Variants in TNPO1 observed in about 807,000 individuals in gnomAD.
TNPO1 encodes transportin-1.
Under a neutral mutation model 119.5 loss-of-function variants are expected in TNPO1, and 8 were observed. The observed-to-expected ratio is 0.07, with a 90% CI of 0.04 to 0.12. The LOEUF (loss-of-function observed/expected upper bound fraction) is 0.12, where lower values mean the gene tolerates loss of function less well. TNPO1 is among the 10% of genes least tolerant of loss of function. TNPO1 has a pLI of 1.00. For synonymous variants in TNPO1, 362 were observed against 363.0 expected (o/e 1.00, Z 0.03); for missense variants, 576 against 1,089.8 (o/e 0.53, Z 6.64).
rs1162953990 is a variant in TNPO1 at position 72,910,375 on chromosome 5, A to G, written c.*1702A>G. On this transcript the variant is annotated 3_prime_UTR_variant, in exon 25 of 25. Transcript: ENST00000337273. ...TTTCTTATATACTGTGAATGTGAAA[A>G]CCTAACTGGTACACTTGATCTTGTG... 2.0e-5 allele frequency: 3 copies of G among 152,490 alleles called. No individual in the cohort carries two copies. The highest frequency in any genetic ancestry group is 4.4e-5 in the Non-Finnish European group (3 of 68,002). The allele number at this position is 152,490 out of a possible 1,614,324, so 9.4% of individuals were successfully genotyped here.
chr5:72,901,253 A>AT (rs969552782), intron 22 of TNPO1, among the ~76,000 whole-genome samples, 180 bp downstream of exon 22: 8 of 151,426 alleles, frequency 5.3e-5, no homozygotes, highest in South Asian at 2.1e-4. Flanking sequence ...TTTTTCCTAA[A>AT]TTTTTTTTGT....
chr5:72,854,588 A>G (rs1206281530), intron 3 of TNPO1, among the ~76,000 whole-genome samples: 2 of 152,200 alleles, frequency 1.3e-5, no homozygotes, highest in Admixed American at 6.5e-5. Flanking sequence ...TCACTTGTGC[A>G]ATGGGGTGAA....
chr5:72,886,399 T>C (rs1748638316), intron 11 of TNPO1, among the ~76,000 whole-genome samples: 1 of 152,202 alleles, frequency 6.6e-6, no homozygotes, highest in Admixed American at 6.5e-5. Flanking sequence ...GTATGTTTTT[T>C]GCGTGATTGT....
At chr5:72,882,717 A>T (rs561524712) in intron 10 of TNPO1, among the ~76,000 whole-genome samples, 190 bp downstream of exon 10, 1 of 152,326 alleles carries the variant, frequency 6.6e-6, no homozygotes, top group South Asian at 2.1e-4. Context: ...AGATGGTGAC[A>T]TTGGTAGGGT....
At chr5:72,902,474 C>T (rs1344864266) in intron 22 of TNPO1, among the ~76,000 whole-genome samples, 2 of 151,312 alleles carry the variant, frequency 1.3e-5, no homozygotes, top group Non-Finnish European at 1.5e-5. Flanking sequence ...TGAGAGGTTT[C>T]TAGTTACAAA....
At chr5:72,854,296 G>A (rs1308027876) in intron 3 of TNPO1, among the ~76,000 whole-genome samples, 1 of 152,196 alleles carries the variant, frequency 6.6e-6, no homozygotes, top group African/African-American at 2.4e-5. Flanking sequence ...TTTAAATGAT[G>A]ACATACAAGG....
At chr5:72,880,302 G>C (rs966075610) in intron 9 of TNPO1, among the ~76,000 whole-genome samples, 4 of 151,454 alleles carry the variant, frequency 2.6e-5, no homozygotes, top group Non-Finnish European at 5.9e-5. Flanking sequence ...TTTTATTATT[G>C]AACATTAATG....
chr5:72,837,008 A>G (rs913736100), intron 1 of TNPO1, among the ~76,000 whole-genome samples: 1 of 152,152 alleles, frequency 6.6e-6, no homozygotes, highest in East Asian at 1.9e-4. Context: ...TCTTAAGAGG[A>G]TTGAGGCATG....
At chr5:72,885,750 T>G (rs1240549412) in intron 11 of TNPO1, among the ~76,000 whole-genome samples, 3 of 151,726 alleles carry the variant, frequency 2.0e-5, no homozygotes, top group Non-Finnish European at 4.4e-5. Context: ...TTGGTTTTTT[T>G]TTTTTTTTTT....
chr5:72,831,165 A>G (rs1744439466), intron 1 of TNPO1, among the ~76,000 whole-genome samples: 1 of 152,068 alleles, frequency 6.6e-6, no homozygotes, highest in Admixed American at 6.5e-5. Flanking sequence ...TATTTTAGTT[A>G]TGATTATTGA....
intron 4 of TNPO1, among the ~76,000 whole-genome samples, chr5:72,859,730 G>A (rs867215709): frequency 2.1e-4 from 32 of 152,160 alleles, no homozygotes; most frequent in African/African-American, 7.7e-4. Flanking sequence ...ACAATTACAG[G>A]AAGATTTCTA....
In TNPO1 at chr5:72,905,457, G is replaced by A. The variant is rs544847546; in HGVS notation, c.*35+12G>A. 2.0e-4 allele frequency: 278 copies of A among 1,386,284 alleles called. 4 individuals carry two copies. The South Asian group carries it at 2.6e-3, about 13-fold the overall frequency. 85.9% of individuals were successfully genotyped at this position (1,386,284 alleles called of 1,614,324 possible). A position where few individuals can be genotyped will look rare whatever the true frequency, so the allele number is the denominator to read the frequency against. Reference sequence around the variant, plus strand: ...TCCCAAAATTAGGGGTAAGTTATAAGAAGTTTGGAAATTTTCAGGATGAAG... The same window carrying A: ...TCCCAAAATTAGGGGTAAGTTATAAAAAGTTTGGAAATTTTCAGGATGAAG... On this transcript the variant is annotated intron_variant, in intron 24 of 24. Coordinates refer to ENST00000337273, the MANE Select transcript of TNPO1 (RefSeq NM_002270.4).
intron 7 of TNPO1, among the ~76,000 whole-genome samples, chr5:72,873,436 C>G (rs1056815365): frequency 2.1e-4 from 32 of 152,052 alleles, no homozygotes; most frequent in African/African-American, 7.7e-4. Context: ...GGTTACGTTA[C>G]TTTTTTTCTC....
chr5:72,870,718 T>TG (rs967782285), intron 6 of TNPO1, among the ~76,000 whole-genome samples: 1 of 152,202 alleles, frequency 6.6e-6, no homozygotes. Context: ...AAAAATGGTT[T>TG]GGGGAGGCTA....
chr5:72,821,997 A>G (rs963434200), intron 1 of TNPO1, among the ~76,000 whole-genome samples: 1 of 152,184 alleles, frequency 6.6e-6, no homozygotes, highest in African/African-American at 2.4e-5. Context: ...TATGAAACCA[A>G]TGGTATGGCC....
intron 20 of TNPO1, among the ~76,000 whole-genome samples, chr5:72,897,997 G>T (rs1749558019): frequency 1.3e-5 from 2 of 152,028 alleles, no homozygotes; most frequent in South Asian, 4.1e-4. Context: ...TATTAAAATT[G>T]ATAATGTTTA....
rs542085018 is a variant in TNPO1 at position 72,854,438 on chromosome 5, A to T, written c.206-1336A>T. 1.8e-4 allele frequency among the ~76,000 whole-genome samples: 28 copies of T among 152,336 alleles called. 3 individuals carry two copies. In the South Asian group the frequency reaches 5.8e-3, roughly 32 times the overall value. On this transcript the variant is annotated intron_variant, in intron 3 of 24. Transcript: ENST00000337273. ...TGGGAACATCATACTAACTAGAACAAGCTTGGGATATATTATTTTTTAATA... is the reference window on the plus strand; with the variant it reads ...TGGGAACATCATACTAACTAGAACATGCTTGGGATATATTATTTTTTAATA...
intron 9 of TNPO1, among the ~76,000 whole-genome samples, chr5:72,881,748 A>C (rs1454156928): frequency 6.6e-6 from 1 of 152,178 alleles, no homozygotes; most frequent in Non-Finnish European, 1.5e-5. Flanking sequence ...TACAGATAGT[A>C]ATTTCATATG....
intron 4 of TNPO1, among the ~76,000 whole-genome samples, chr5:72,860,575 A>G (rs1190248818): frequency 1.3e-5 from 2 of 152,254 alleles, no homozygotes; most frequent in African/African-American, 4.8e-5. Context: ...CAACATGATC[A>G]GTGAGCATGG....
Sources: allele counts gnomAD v4.1 joint callset (sites outside exome capture counted in the v4.1 genomes callset), GRCh38; gene constraint gnomAD v4.1.1; transcripts MANE v1.5; gene names NCBI Gene and HGNC (gene_info 2026-07-23, HGNC 2026-07-21).